GNA13: variants seen among roughly 807,000 people sequenced by gnomAD.
The protein encoded by GNA13 is G protein subunit alpha 13.
GNA13 carries 4 observed loss-of-function variants against 33.5 expected under a neutral mutation model. That is an observed-to-expected ratio of 0.12 (90% confidence interval 0.06 to 0.27). GNA13 has a LOEUF of 0.27. GNA13 is among the 10% of genes least tolerant of loss of function. The pLI, the probability that GNA13 is intolerant of heterozygous loss-of-function variation, is 1.00. For missense variants in GNA13, 319 were observed against 487.2 expected (o/e 0.65, Z 3.25); for synonymous variants, 176 against 183.8 (o/e 0.96, Z 0.34).
At chr17:65,052,033 C>T (rs898520620) in intron 2 of GNA13, 7 of 152,346 alleles carry the variant, frequency 4.6e-5, no homozygotes, top group African/African-American at 1.7e-4. Flanking sequence ...TTTTAAAAGG[C>T]AAGACTGCTT....
In GNA13 at chr17:65,014,580, T is replaced by C; in HGVS notation, c.811A>G (p.Ile271Val). 1 of 1,614,110 alleles carries C rather than the reference T, an allele frequency of 6.2e-7. No individual in the cohort carries two copies. Among genetic ancestry groups the C allele is most frequent in the Non-Finnish European group, 8.5e-7 (1 of 1,179,984 alleles). The part of the protein sequence containing the change: ...LTNRLTESLN[I>V]FETIVNNRVF... The stretch of plus-strand genomic sequence containing the variant: ...CGGTTATTGACGATTGTTTCAAAAA[T>C]GTTCAGAGACTCTGTAAGGCGATTG... The change falls in exon 4 of 4, where the codon ATT becomes GTT. Residue 271 changes from isoleucine (I) to valine (V), a missense_variant. Coordinates refer to ENST00000439174, the MANE Select transcript of GNA13 (RefSeq NM_006572.6). This position sits in a 1 kb window ranked among gnomAD's most constrained non-coding sequence, Gnocchi z 5.3.
intron 2 of GNA13, among the ~76,000 whole-genome samples, chr17:65,044,814 G>A (rs992053710): frequency 2.4e-4 from 36 of 151,904 alleles, no homozygotes; most frequent in African/African-American, 8.5e-4. Context: ...AGGCTAAGGC[G>A]GACAGATCAC....
Position 65,012,866 on chromosome 17 carries a change from A to C in GNA13, c.*1391T>G, listed in dbSNP as rs1906241971. 1 of 219,990 alleles carries C rather than the reference A, an allele frequency of 4.5e-6. No homozygotes were observed. The highest frequency in any genetic ancestry group is 2.2e-5 in the African/African-American group (1 of 44,578). 13.6% of individuals were successfully genotyped at this position (219,990 alleles called of 1,614,324 possible). A position where few individuals can be genotyped will look rare whatever the true frequency, so the allele number is the denominator to read the frequency against. On this transcript the variant is annotated 3_prime_UTR_variant, in exon 4 of 4. Coordinates refer to ENST00000439174, the MANE Select transcript of GNA13 (RefSeq NM_006572.6). Reference sequence around the variant, plus strand: ...CCAGCCTTGGACTTCTGTTTCTCTAATTGTAGCACTACATACAGCCTAGAA... The same window carrying C: ...CCAGCCTTGGACTTCTGTTTCTCTACTTGTAGCACTACATACAGCCTAGAA...
At chr17:65,052,163 T>A (rs561211067) in intron 2 of GNA13, 4 of 152,344 alleles carry the variant, frequency 2.6e-5, no homozygotes, top group Admixed American at 2.0e-4. Flanking sequence ...TTATTTATTT[T>A]TTTTTTGGAG....
rs569713745 is a variant in GNA13, at chr17:65,014,877, C to T, written c.562-48G>A. 47 of 1,170,874 alleles carry T rather than the reference C, an allele frequency of 4.0e-5. No homozygotes were observed. In the South Asian group the frequency reaches 4.3e-4, roughly 11 times the overall value. The allele number at this position is 1,170,874 out of a possible 1,614,324, so 72.5% of individuals were successfully genotyped here. Reference sequence around the variant, plus strand: ...TATACCTATTAATCCCGAAGTAATGCGAATTTTTAATGGACTACTAACTGG... The same window carrying T: ...TATACCTATTAATCCCGAAGTAATGTGAATTTTTAATGGACTACTAACTGG... On this transcript the variant is annotated intron_variant, in intron 3 of 3. Coordinates refer to ENST00000439174, the MANE Select transcript of GNA13 (RefSeq NM_006572.6). The surrounding 1 kb of genome is among the most constrained non-coding windows in gnomAD (Gnocchi z 5.3).
intron 1 of GNA13, among the ~76,000 whole-genome samples, chr17:65,054,699 G>A (rs560424909): frequency 2.0e-5 from 3 of 152,228 alleles, no homozygotes; most frequent in African/African-American, 2.4e-5. Context: ...AATGCTCAAC[G>A]TAGATCACAC....
At position 65,009,652 on chromosome 17, in the gene GNA13, CT is replaced by C. The variant is rs1417744565; in HGVS notation, c.*4604del. ...ATCTACGGGGTTATTACAAAATATA[CT>C]TTTTTATAAGGCTTCTTGTGGTAAA... On this transcript the variant is annotated 3_prime_UTR_variant, in exon 4 of 4. Transcript: ENST00000439174. Among the ~76,000 whole-genome samples the C allele has an allele frequency of 6.6e-6, 1 of 152,088 alleles. No individual in the cohort carries two copies. The highest frequency in any genetic ancestry group is 1.5e-5 in the Non-Finnish European group (1 of 67,996).
At chr17:65,026,860 C>T (rs945627482) in intron 2 of GNA13, among the ~76,000 whole-genome samples, 4 of 152,182 alleles carry the variant, frequency 2.6e-5, no homozygotes, top group African/African-American at 9.7e-5. Context: ...CTCACCACAA[C>T]CTCCGCCTCC....
chr17:65,042,419 G>A (rs569743827), intron 2 of GNA13, among the ~76,000 whole-genome samples: 18 of 151,346 alleles, frequency 1.2e-4, no homozygotes, highest in Middle Eastern at 6.9e-3. Context: ...CAAGCAAAGC[G>A]GTATCACTAG....
intron 2 of GNA13, among the ~76,000 whole-genome samples, chr17:65,032,521 C>T (rs926901764): frequency 2.2e-4 from 34 of 152,154 alleles, no homozygotes; most frequent in African/African-American, 7.7e-4. Flanking sequence ...TTGAAATATA[C>T]TACCTCTTAT....
intron 2 of GNA13, among the ~76,000 whole-genome samples, chr17:65,045,177 C>T (rs1907614830): frequency 6.6e-6 from 1 of 152,070 alleles, no homozygotes; most frequent in Non-Finnish European, 1.5e-5. Context: ...TTGGCAATCT[C>T]TTTCAGCTAA....
At chr17:65,015,388 C>T (rs1309511273) in intron 3 of GNA13, among the ~76,000 whole-genome samples, 1 of 151,954 alleles carries the variant, frequency 6.6e-6, no homozygotes. Context: ...GGGGGCTGGG[C>T]GCGATGGCTC....
At chr17:65,023,737 T>C (rs1049401658) in intron 2 of GNA13, among the ~76,000 whole-genome samples, 1 of 152,186 alleles carries the variant, frequency 6.6e-6, no homozygotes, top group Non-Finnish European at 1.5e-5. Context: ...ACATAATATT[T>C]CTAAACTCTA....
chr17:65,040,293 T>C (rs915491719), intron 2 of GNA13, among the ~76,000 whole-genome samples: 1 of 152,236 alleles, frequency 6.6e-6, no homozygotes, highest in African/African-American at 2.4e-5. Flanking sequence ...AGTTGAAATG[T>C]ATATTATCTT....
At chr17:65,055,565 G>A in intron 1 of GNA13, 1 of 977,256 alleles carries the variant, frequency 1.0e-6, no homozygotes, top group Non-Finnish European at 1.2e-6. Context: ...GGAACGTGTT[G>A]CACAGAAATC....
At chr17:65,016,285 T>G (rs932406884) in intron 3 of GNA13, among the ~76,000 whole-genome samples, 2 of 152,232 alleles carry the variant, frequency 1.3e-5, no homozygotes, top group East Asian at 3.8e-4. Context: ...CCTTTCTGAA[T>G]AGTGTCATAT....
Position 65,040,087 on chromosome 17 carries a change from CT to C in GNA13, c.510+13414del, listed in dbSNP as rs1217295988. 4.6e-5 allele frequency among the ~76,000 whole-genome samples: 7 copies of C among 151,832 alleles called. No individual in the cohort carries two copies. The South Asian group carries it at 1.5e-3, about 32-fold the overall frequency. On this transcript the variant is annotated intron_variant, in intron 2 of 3. Coordinates refer to ENST00000439174, the MANE Select transcript of GNA13 (RefSeq NM_006572.6). ...TAGAATGAAGCTTTTTAATAAAATA[CT>C]TTTTCAAAAAAAAAAGACACAGTAA... is the stretch of plus-strand genomic sequence containing the variant.
chr17:65,030,081 C>A (rs902450392), intron 2 of GNA13, among the ~76,000 whole-genome samples: 1 of 152,144 alleles, frequency 6.6e-6, no homozygotes, highest in South Asian at 2.1e-4. Context: ...AGCTCCTACT[C>A]CATGTAAGTA....
chr17:65,033,680 T>C (rs1452413922), intron 2 of GNA13, among the ~76,000 whole-genome samples: 1 of 152,000 alleles, frequency 6.6e-6, no homozygotes, highest in African/African-American at 2.4e-5. Flanking sequence ...AATACACAGT[T>C]CCAAATTTCT....
Sources: gnomAD v4.1 joint callset for allele counts (sites outside exome capture counted in the v4.1 genomes callset) on GRCh38, gnomAD v4.1.1 for gene constraint, Gnocchi (gnomAD v3.1) non-coding constraint, MANE v1.5 for transcripts, NCBI Gene and HGNC (gene_info 2026-07-23, HGNC 2026-07-21) for gene names.